Variants in HHIP observed in about 807,000 individuals in gnomAD.
HHIP encodes hedgehog-interacting protein.
HHIP carries 12 observed loss-of-function variants against 74.0 expected under a neutral mutation model. The ratio of observed to expected loss-of-function variants is 0.16; its 90% CI spans 0.10 to 0.26. The LOEUF (loss-of-function observed/expected upper bound fraction) is 0.26. Ranked by LOEUF, HHIP falls within the 10% of genes least tolerant of loss-of-function variation. The pLI is 1.00. For synonymous variants in HHIP, 309 were observed against 311.6 expected (o/e 0.99, Z 0.09); for missense variants, 788 against 845.0 (o/e 0.93, Z 0.84).
rs201303626 is a variant in HHIP, at chr4:144,715,372, T to G, written c.1620T>G (p.Ser540Arg). 2.4e-4 allele frequency: 383 copies of G among 1,613,592 alleles called. 2 individuals carry two copies. The highest frequency in any genetic ancestry group is 2.2e-3 in the South Asian group (201 of 91,066). Residue 540 changes from serine (S) to arginine (R), a missense_variant, in exon 10 of 13, where the codon AGT (serine) becomes AGG (arginine). Physicochemically the swap from Ser to Arg is moderately radical, Grantham distance 110. Around this residue, in one of 3 missense-constraint regions of HHIP, gnomAD observed 343 missense variants for 347.9 expected, o/e 0.99. Coordinates refer to ENST00000296575, the MANE Select transcript of HHIP (RefSeq NM_022475.3). The part of the protein sequence containing the change: ...WQEKPLCLGT[S>R]GSCRGYFSGH... ...AAAAACCACTCTGTCTCGGCACTAGTGGGTCCTGTAGAGGCTACTTTTCCG... is the reference window on the plus strand; with the variant it reads ...AAAAACCACTCTGTCTCGGCACTAGGGGGTCCTGTAGAGGCTACTTTTCCG...
intron 4 of HHIP, among the ~76,000 whole-genome samples, chr4:144,679,166 G>A (rs188205689): frequency 2.4e-4 from 36 of 151,948 alleles, no homozygotes; most frequent in South Asian, 6.2e-4. Context: ...TTTGTTGGCC[G>A]CATAAATGCC....
At chr4:144,710,094 A>G (rs1560715180) in intron 7 of HHIP, among the ~76,000 whole-genome samples, 1 of 152,188 alleles carries the variant, frequency 6.6e-6, no homozygotes. Context: ...TGAAGGTTAC[A>G]AGGGTCAAGC....
intron 4 of HHIP, among the ~76,000 whole-genome samples, chr4:144,671,933 G>C (rs534822489): frequency 6.6e-6 from 1 of 152,052 alleles, no homozygotes; most frequent in Non-Finnish European, 1.5e-5. Flanking sequence ...GCAGTGAGCC[G>C]AGATCATGCC....
At chr4:144,722,830 TG>T (rs985665283) in intron 11 of HHIP, among the ~76,000 whole-genome samples, 1 of 152,006 alleles carries the variant, frequency 6.6e-6, no homozygotes, top group African/African-American at 2.4e-5. Flanking sequence ...CACTGCAGCC[TG>T]GGCAACAGGG....
chr4:144,728,218 A>G (rs146363505), intron 11 of HHIP, among the ~76,000 whole-genome samples: 1,774 of 152,306 alleles, frequency 0.012, 40 homozygotes, highest in African/African-American at 0.04. Flanking sequence ...GTGCCAACTC[A>G]GTTTCAAACT....
At chr4:144,695,085 A>C (rs918601761) in intron 4 of HHIP, among the ~76,000 whole-genome samples, 7 of 151,844 alleles carry the variant, frequency 4.6e-5, no homozygotes, top group South Asian at 2.1e-4. Flanking sequence ...TGGGTTTTCT[A>C]AATTGTCTTC....
chr4:144,673,171 C>A (rs1456751624), intron 4 of HHIP, among the ~76,000 whole-genome samples: 1 of 152,206 alleles, frequency 6.6e-6, no homozygotes, highest in Non-Finnish European at 1.5e-5. Flanking sequence ...CAATTTTTAC[C>A]TGTAAAATGA....
At chr4:144,693,679 C>G (rs1236166316) in intron 4 of HHIP, among the ~76,000 whole-genome samples, 3 of 151,714 alleles carry the variant, frequency 2.0e-5, no homozygotes, top group Non-Finnish European at 4.4e-5. Flanking sequence ...GAACTTCATC[C>G]AGATTAAACT....
chr4:144,658,720 T>C (rs1481791252), intron 2 of HHIP, 70 bp from the exon 3 acceptor site: 3 of 1,312,302 alleles, frequency 2.3e-6, no homozygotes, highest in Non-Finnish European at 3.2e-6. Context: ...CCTCATCTTA[T>C]ATCTTTCAAA....
At chr4:144,668,856 A>T (rs1660697655) in intron 4 of HHIP, among the ~76,000 whole-genome samples, 1 of 152,114 alleles carries the variant, frequency 6.6e-6, no homozygotes, top group Admixed American at 6.5e-5. Flanking sequence ...ACACTGACAA[A>T]TTTTTTATAT....
In HHIP at chr4:144,740,843, T is replaced by G. The variant is rs1731246080; in HGVS notation, c.*2886T>G. The G allele has an allele frequency of 6.6e-6, 1 of 152,194 alleles. No homozygotes were observed. Among genetic ancestry groups the G allele is most frequent in the Non-Finnish European group, 1.5e-5 (1 of 68,034 alleles). The allele number at this position is 152,194 out of a possible 1,614,324, so 9.4% of individuals were successfully genotyped here. A position where few individuals can be genotyped will look rare whatever the true frequency, so the allele number is the denominator to read the frequency against. On this transcript the variant is annotated 3_prime_UTR_variant, in exon 13 of 13. Coordinates refer to ENST00000296575, the MANE Select transcript of HHIP (RefSeq NM_022475.3). ...AATAATGAAAAAGAAAAATGTATAT[T>G]ATTATTCCCTTGTCCATTCTCAAGT... is the stretch of plus-strand genomic sequence containing the variant.
chr4:144,658,430 T>A (rs549768805), intron 2 of HHIP, among the ~76,000 whole-genome samples: 2 of 152,006 alleles, frequency 1.3e-5, no homozygotes, highest in East Asian at 3.9e-4. Flanking sequence ...AGTGCAGTGG[T>A]GTGTTCTTGG....
At chr4:144,699,179 C>T (rs1729908105) in intron 4 of HHIP, among the ~76,000 whole-genome samples, 1 of 152,172 alleles carries the variant, frequency 6.6e-6, no homozygotes, top group African/African-American at 2.4e-5. Flanking sequence ...GCCCATGCTA[C>T]CACATTTCTG....
chr4:144,718,140 A>C (rs1730515391), intron 10 of HHIP, among the ~76,000 whole-genome samples: 1 of 152,194 alleles, frequency 6.6e-6, no homozygotes. Context: ...ATTGGTAATA[A>C]ATGCTTTGAA....
At chr4:144,737,705 A>C in intron 12 of HHIP, 59 bp from the exon 13 acceptor site, 1 of 1,421,286 alleles carries the variant, frequency 7.0e-7, no homozygotes, top group Non-Finnish European at 9.4e-7. Context: ...TCTCATGCTC[A>C]GTCCTGTTTC....
intron 1 of HHIP, 142 bp from the exon 2 acceptor site, chr4:144,652,463 T>C (rs1368907840): frequency 1.6e-5 from 10 of 613,470 alleles, no homozygotes; most frequent in Non-Finnish European, 2.6e-5. Flanking sequence ...AGGCATTCTG[T>C]ATTGTGACAC....
rs1728454522 is a variant in HHIP, at chr4:144,652,687, G to A, written c.362G>A (p.Ser121Asn). ...KCALCSPHSQ[S>N]LFHSPEREVL... ...GCACTTTGCTCTCCACATTCTCAAA[G>A]CCTGTTCCACTCACCTGAGAGAGAA... The change falls in exon 2 of 13, where the codon AGC becomes AAC. Residue 121 changes from serine (S) to asparagine (N), a missense_variant. Ser to Asn is a conservative substitution (Grantham distance 46). Coordinates refer to ENST00000296575, the MANE Select transcript of HHIP (RefSeq NM_022475.3). 6.2e-7 allele frequency: 1 copy of A among 1,611,654 alleles called. No homozygotes were observed. Among genetic ancestry groups the A allele is most frequent in the Non-Finnish European group, 8.5e-7 (1 of 1,177,942 alleles).
chr4:144,743,798 T>C lies in HHIP; in HGVS notation c.*5841T>C, dbSNP rs1731323168. ...GCTAAATATGAAATAAGCTTTGTCT[T>C]TGCAGTTACAAACTAATTCTTGTAC... is the stretch of plus-strand genomic sequence containing the variant. On this transcript the variant is annotated 3_prime_UTR_variant, in exon 13 of 13. Transcript: ENST00000296575. The C allele has an allele frequency of 6.6e-6, 1 of 152,104 alleles. No homozygotes were observed. Among genetic ancestry groups the C allele is most frequent in the Non-Finnish European group, 1.5e-5 (1 of 67,982 alleles). The allele number at this position is 152,104 out of a possible 1,614,324, so 9.4% of individuals were successfully genotyped here.
At chr4:144,692,890 A>AGG (rs1729712885) in intron 4 of HHIP, among the ~76,000 whole-genome samples, 3 of 95,454 alleles carry the variant, frequency 3.1e-5, no homozygotes, top group African/African-American at 1.3e-4. Flanking sequence ...GAAAGCCATC[A>AGG]AGAGGAGCCA....
Sources: allele counts gnomAD v4.1 joint callset (sites outside exome capture counted in the v4.1 genomes callset), GRCh38; gene constraint gnomAD v4.1.1; regional missense constraint gnomAD v4.1.1; transcripts MANE v1.5; gene names NCBI Gene and HGNC (gene_info 2026-07-23, HGNC 2026-07-21).